Variants in ANO2 observed in about 807,000 individuals in gnomAD.
ANO2 encodes the protein anoctamin-2.
A neutral mutation model predicts 124.2 loss-of-function variants in ANO2; 101 were observed. The ratio of observed to expected loss-of-function variants is 0.81; its 90% CI spans 0.69 to 0.96. The LOEUF (loss-of-function observed/expected upper bound fraction) is 0.96, where lower values mean the gene tolerates loss of function less well. Ranked by LOEUF, ANO2 falls within the 40% of genes least tolerant of loss-of-function variation. The pLI, the probability that ANO2 is intolerant of heterozygous loss-of-function variation, is 0.00. For missense variants in ANO2, 1,293 were observed against 1,274.5 expected (o/e 1.01, Z -0.22); for synonymous variants, 486 against 482.5 (o/e 1.01, Z -0.09).
chr12:5,829,860 G>A (rs1954094387), intron 6 of ANO2, among the ~76,000 whole-genome samples: 1 of 152,186 alleles, frequency 6.6e-6, no homozygotes, highest in African/African-American at 2.4e-5. Flanking sequence ...GACTGTAGAA[G>A]AAGAGCTACG....
chr12:5,629,085 G>C (rs1945562927), intron 16 of ANO2, among the ~76,000 whole-genome samples: 1 of 152,128 alleles, frequency 6.6e-6, no homozygotes, highest in South Asian at 2.1e-4. Context: ...TAAAAACCTT[G>C]ACTTGACTAA....
At chr12:5,697,200 G>A (rs937844312) in intron 14 of ANO2, among the ~76,000 whole-genome samples, 4 of 152,130 alleles carry the variant, frequency 2.6e-5, no homozygotes, top group East Asian at 1.9e-4. Context: ...CTGGGAGGCC[G>A]AGGCAGGCAG....
At position 5,944,764 on chromosome 12, in the gene ANO2, C is replaced by T. The variant is rs939698368; in HGVS notation, c.22+432G>A. Among the ~76,000 whole-genome samples, 7 of 152,216 alleles carry T rather than the reference C, an allele frequency of 4.6e-5. No homozygotes were observed. In the East Asian group the frequency reaches 1.2e-3, roughly 25 times the overall value. ...TCCAGGGATGCCAAAGTCAAATTTG[C>T]TCTGTCCTCAGCGGACCGTTGCTGA... On this transcript the variant is annotated intron_variant, in intron 1 of 24. Coordinates refer to ENST00000682330, the MANE Select transcript of ANO2 (RefSeq NM_001364791.2).
intron 10 of ANO2, among the ~76,000 whole-genome samples, chr12:5,771,496 T>C (rs1952079269): frequency 1.3e-5 from 2 of 152,232 alleles, no homozygotes; most frequent in Non-Finnish European, 2.9e-5. Context: ...AACAGAATTC[T>C]CGGCTGGGCG....
chr12:5,946,228 C>G, upstream of ANO2: 2 of 1,577,966 alleles, frequency 1.3e-6, no homozygotes, highest in Non-Finnish European at 8.7e-7. The surrounding 1 kb of genome is among the most constrained non-coding windows in gnomAD (Gnocchi z 4.1). Flanking sequence ...AGAGAAGGAG[C>G]CTGGGGAAGC....
intron 15 of ANO2, among the ~76,000 whole-genome samples, chr12:5,642,060 A>G (rs1357292472): frequency 6.6e-6 from 1 of 152,172 alleles, no homozygotes; most frequent in Non-Finnish European, 1.5e-5. Flanking sequence ...TCCTAGTTTC[A>G]GTCCTCTCCT....
chr12:5,852,886 T>TGTGTG (rs1415564457), intron 4 of ANO2, among the ~76,000 whole-genome samples: 113 of 149,432 alleles, frequency 7.6e-4, no homozygotes, highest in Admixed American at 2.1e-3. Context: ...TGTGTGTGTG[T>TGTGTG]GTGTGGTGTA....
At chr12:5,880,524 A>G (rs1027652577) in intron 3 of ANO2, among the ~76,000 whole-genome samples, 4 of 152,050 alleles carry the variant, frequency 2.6e-5, no homozygotes, top group Admixed American at 1.3e-4. Flanking sequence ...AATAAGAGGA[A>G]GCCCATAGAG....
chr12:5,902,096 T>C (rs1044405053), intron 3 of ANO2, among the ~76,000 whole-genome samples: 2 of 152,192 alleles, frequency 1.3e-5, no homozygotes, highest in Non-Finnish European at 1.5e-5. Context: ...CAGAGATGTA[T>C]AGAGAGGAAA....
chr12:5,578,792 C>T (rs999348589), intron 20 of ANO2, among the ~76,000 whole-genome samples: 1 of 152,222 alleles, frequency 6.6e-6, no homozygotes, highest in Admixed American at 6.5e-5. Context: ...TTCCTTTACC[C>T]TTTACTGCCA....
At chr12:5,580,292 A>T (rs1436003476) in intron 20 of ANO2, among the ~76,000 whole-genome samples, 1 of 152,240 alleles carries the variant, frequency 6.6e-6, no homozygotes. Context: ...TGGATACATA[A>T]TAACTGTTTA....
Position 5,922,612 on chromosome 12 carries a change from GT to G in ANO2, c.207+7del. On this transcript the variant is annotated splice_region_variant and intron_variant, in intron 2 of 24. Transcript: ENST00000682330. ...TATCCCCCCACCCCACCCCCGCCCA[GT>G]ACTCACAGAGCTGCTGCGGGTGCTC... 1.3e-6 allele frequency: 1 copy of G among 752,168 alleles called. No homozygotes were observed. The highest frequency in any genetic ancestry group is 2.0e-6 in the Non-Finnish European group (1 of 489,516). The allele number at this position is 752,168 out of a possible 1,614,324, so 46.6% of individuals were successfully genotyped here.
chr12:5,793,891 G>A (rs551773105), intron 10 of ANO2, among the ~76,000 whole-genome samples: 13 of 152,288 alleles, frequency 8.5e-5, no homozygotes, highest in African/African-American at 2.4e-5. Context: ...CCTTCCCTCC[G>A]AAAGGGTACA....
chr12:5,761,426 T>C (rs1951742042), intron 10 of ANO2, among the ~76,000 whole-genome samples: 2 of 152,288 alleles, frequency 1.3e-5, no homozygotes, highest in African/African-American at 2.4e-5. Flanking sequence ...TCTCCACAGA[T>C]ATGGGTAAAA....
At chr12:5,634,625 C>T (rs553091425) in intron 16 of ANO2, among the ~76,000 whole-genome samples, 14 of 152,298 alleles carry the variant, frequency 9.2e-5, no homozygotes, top group Non-Finnish European at 1.6e-4. Flanking sequence ...TGGCTTGAAG[C>T]GTGGGAAGTC....
At chr12:5,600,182 T>C (rs1348513481) in intron 19 of ANO2, among the ~76,000 whole-genome samples, 1 of 150,732 alleles carries the variant, frequency 6.6e-6, no homozygotes, top group East Asian at 1.9e-4. Context: ...TAGGAGGTAA[T>C]TTAGATTAAA....
At chr12:5,579,208 G>T (rs555206268) in intron 20 of ANO2, among the ~76,000 whole-genome samples, 2 of 152,228 alleles carry the variant, frequency 1.3e-5, no homozygotes, top group Non-Finnish European at 2.9e-5. Flanking sequence ...GAAGGCAAAG[G>T]TCTGTTCTGG....
intron 3 of ANO2, among the ~76,000 whole-genome samples, chr12:5,915,517 C>A (rs1357844847): frequency 6.6e-6 from 1 of 152,186 alleles, no homozygotes; most frequent in Non-Finnish European, 1.5e-5. Context: ...CTAAGTGAAT[C>A]ATTTTTAATG....
intron 1 of ANO2, among the ~76,000 whole-genome samples, chr12:5,923,120 AC>A (rs1317701687): frequency 1.6e-5 from 1 of 61,360 alleles, no homozygotes; most frequent in Non-Finnish European, 3.9e-5. Flanking sequence ...ACATGCACGC[AC>A]ACACACCCAC....
Sources: gnomAD v4.1 joint callset for allele counts (sites outside exome capture counted in the v4.1 genomes callset) on GRCh38, gnomAD v4.1.1 for gene constraint, Gnocchi (gnomAD v3.1) non-coding constraint, MANE v1.5 for transcripts, NCBI Gene and HGNC (gene_info 2026-07-23, HGNC 2026-07-21) for gene names.